SYN3: variants seen among roughly 807,000 people sequenced by gnomAD.
The protein encoded by SYN3 is synapsin III.
Under a neutral mutation model 65.8 loss-of-function variants are expected in SYN3, and 35 were observed. The ratio of observed to expected loss-of-function variants is 0.53; its 90% CI spans 0.41 to 0.70. The LOEUF (loss-of-function observed/expected upper bound fraction) is 0.70. Ranked by LOEUF, SYN3 falls within the 30% of genes least tolerant of loss-of-function variation. SYN3 has a pLI of 0.00. For missense variants in SYN3, 680 were observed against 749.0 expected (o/e 0.91, Z 1.08); for synonymous variants, 270 against 292.9 (o/e 0.92, Z 0.80).
At chr22:32,849,876 T>C (rs984264290) in intron 6 of SYN3, among the ~76,000 whole-genome samples, 1 of 152,002 alleles carries the variant, frequency 6.6e-6, no homozygotes, top group Admixed American at 6.6e-5. Flanking sequence ...ATCTTCCCAA[T>C]TGTGAAATGA....
intron 12 of SYN3, chr22:32,519,831 T>A (rs2057846868): frequency 6.6e-6 from 1 of 152,136 alleles, no homozygotes; most frequent in Non-Finnish European, 1.5e-5. Context: ...GCCACGTTTT[T>A]TTGAGAGCAC....
rs1289552626 is a variant in SYN3, at chr22:32,569,559, C to CTATATATA, written c.774+27114_774+27115insTATATATA. Among the ~76,000 whole-genome samples, 70 of 51,198 alleles carry CTATATATA rather than the reference C, an allele frequency of 1.4e-3. 1 individual carries two copies. The highest frequency in any genetic ancestry group is 2.4e-3 in the Non-Finnish European group (58 of 23,896). The allele number at this position is 51,198 out of a possible 152,430, so 33.6% of individuals were successfully genotyped here. A position where few individuals can be genotyped will look rare whatever the true frequency, so the allele number is the denominator to read the frequency against. On this transcript the variant is annotated intron_variant, in intron 7 of 13. Transcript: ENST00000358763. ...TCAATCTCTCTCTCTCTCTCTCTCT[C>CTATATATA]TCTCTCTCTCTCTATATATATATAT...
intron 2 of SYN3, among the ~76,000 whole-genome samples, chr22:32,983,283 T>TAGGC (rs1182321880): frequency 6.6e-6 from 1 of 152,228 alleles, no homozygotes; most frequent in Non-Finnish European, 1.5e-5. Context: ...AGCCACATGA[T>TAGGC]TTATTTCTAA....
chr22:32,552,420 C>CTTTTTT (rs968943500), intron 7 of SYN3, among the ~76,000 whole-genome samples: 2 of 138,260 alleles, frequency 1.4e-5, no homozygotes, highest in Non-Finnish European at 3.2e-5. Context: ...AAAGGTTTTT[C>CTTTTTT]TTTTTTTTTT....
At chr22:32,978,059 G>C (rs1373688117) in intron 3 of SYN3, among the ~76,000 whole-genome samples, 3 of 152,202 alleles carry the variant, frequency 2.0e-5, no homozygotes, top group Admixed American at 1.3e-4. Flanking sequence ...GGAAAGGATT[G>C]TAAAGCTAAC....
chr22:32,859,510 A>G (rs895486946), intron 6 of SYN3: 1 of 1,158,546 alleles, frequency 8.6e-7, no homozygotes, highest in Non-Finnish European at 1.2e-6. Context: ...CATTTAAAGA[A>G]AGGTCTATGC....
chr22:32,878,718 CAT>C (rs891496880), intron 4 of SYN3, among the ~76,000 whole-genome samples: 42 of 152,320 alleles, frequency 2.8e-4, no homozygotes, highest in African/African-American at 1.0e-3. Context: ...TGTCCTTTCA[CAT>C]ATCTTTCATT....
intron 4 of SYN3, among the ~76,000 whole-genome samples, chr22:32,902,305 G>A (rs1478227775): frequency 6.6e-6 from 1 of 152,212 alleles, no homozygotes; most frequent in East Asian, 1.9e-4. Context: ...GGTCAAGGGA[G>A]AATGTAGTCA....
chr22:32,856,208 T>C (rs1043667531), intron 6 of SYN3, among the ~76,000 whole-genome samples: 12 of 152,120 alleles, frequency 7.9e-5, no homozygotes. Flanking sequence ...GGTCCTAAGG[T>C]TGACAAAGAA....
At chr22:32,582,646 T>C (rs1433542662) in intron 7 of SYN3, among the ~76,000 whole-genome samples, 1 of 152,178 alleles carries the variant, frequency 6.6e-6, no homozygotes, top group Non-Finnish European at 1.5e-5. Flanking sequence ...TCCTGAAAAC[T>C]TCTGGGATTA....
intron 4 of SYN3, among the ~76,000 whole-genome samples, chr22:32,896,378 C>A (rs1385851183): frequency 1.3e-5 from 2 of 152,132 alleles, no homozygotes; most frequent in Non-Finnish European, 2.9e-5. Flanking sequence ...ATCACTTGAA[C>A]CCAGGTGGCA....
At chr22:32,797,156 G>T (rs2046448282) in intron 6 of SYN3, among the ~76,000 whole-genome samples, 1 of 152,176 alleles carries the variant, frequency 6.6e-6, no homozygotes, top group South Asian at 2.1e-4. Context: ...GTGTTCTCTG[G>T]CTTATAGCGC....
At chr22:32,939,692 T>C (rs2050881741) in intron 3 of SYN3, among the ~76,000 whole-genome samples, 1 of 152,246 alleles carries the variant, frequency 6.6e-6, no homozygotes, top group Non-Finnish European at 1.5e-5. Context: ...GCAGTCATTC[T>C]TTTTTAATTT....
At chr22:32,825,530 G>T (rs2047376998) in intron 6 of SYN3, among the ~76,000 whole-genome samples, 1 of 151,390 alleles carries the variant, frequency 6.6e-6, no homozygotes, top group East Asian at 1.9e-4. Flanking sequence ...GTGGTGGCGG[G>T]CGCCTGTAAT....
chr22:32,718,248 C>A (rs537294821), intron 6 of SYN3, among the ~76,000 whole-genome samples: 1 of 152,212 alleles, frequency 6.6e-6, no homozygotes, highest in East Asian at 1.9e-4. Flanking sequence ...CCTTCTAGGG[C>A]CCTCCCTGCT....
chr22:32,756,614 C>A (rs550331745), intron 6 of SYN3, among the ~76,000 whole-genome samples: 18 of 152,226 alleles, frequency 1.2e-4, no homozygotes, highest in African/African-American at 4.3e-4. Flanking sequence ...GAGTGGATCC[C>A]TCATGGTTTG....
At chr22:32,759,505 T>C (rs977525502) in intron 6 of SYN3, among the ~76,000 whole-genome samples, 2 of 152,132 alleles carry the variant, frequency 1.3e-5, no homozygotes, top group Non-Finnish European at 2.9e-5. Flanking sequence ...ACTAGACTAC[T>C]TGACATTTTG....
intron 6 of SYN3, among the ~76,000 whole-genome samples, chr22:32,846,600 C>T (rs2048070442): frequency 6.6e-6 from 1 of 152,112 alleles, no homozygotes; most frequent in Admixed American, 6.5e-5. Context: ...ATTGGGAAAC[C>T]AAGGCATAGA....
intron 4 of SYN3, among the ~76,000 whole-genome samples, chr22:32,876,757 T>C (rs1381905436): frequency 6.6e-6 from 1 of 152,210 alleles, no homozygotes; most frequent in Non-Finnish European, 1.5e-5. Context: ...ATAGAGGACC[T>C]GTTTTATGAC....
Sources: gnomAD v4.1 joint callset for allele counts (sites outside exome capture counted in the v4.1 genomes callset) on GRCh38, gnomAD v4.1.1 for gene constraint, MANE v1.5 for transcripts, NCBI Gene and HGNC (gene_info 2026-07-23, HGNC 2026-07-21) for gene names.